COG7: variants seen among roughly 807,000 people sequenced by gnomAD.
The protein encoded by COG7 is component of oligomeric golgi complex 7, also known as conserved oligomeric Golgi complex subunit 7.
In COG7, 49 loss-of-function variants were observed where a neutral mutation model predicts 91.5. That is an observed-to-expected ratio of 0.54 (90% CI 0.43 to 0.68). The LOEUF (loss-of-function observed/expected upper bound fraction) is 0.68, where lower values mean the gene tolerates loss of function less well. COG7 is among the 30% of genes least tolerant of loss of function. The pLI is 0.00. For synonymous variants in COG7, 365 were observed against 388.7 expected (o/e 0.94, Z 0.72); for missense variants, 895 against 961.3 (o/e 0.93, Z 0.91).
Position 23,445,172 on chromosome 16 carries a change from A to T in COG7, c.319-8T>A. 3 of 1,598,812 alleles carry T rather than the reference A, an allele frequency of 1.9e-6. No homozygotes were observed. Among genetic ancestry groups the T allele is most frequent in the Non-Finnish European group, 2.6e-6 (3 of 1,166,088 alleles). On this transcript the variant is annotated splice_region_variant and splice_polypyrimidine_tract_variant and intron_variant, in intron 2 of 16. Coordinates refer to ENST00000307149, the MANE Select transcript of COG7 (RefSeq NM_153603.4). ...GTCAATTTCTACCAACACCTGAAAG[A>T]GGCGTGAGGGGTGAAAAATGAAGGG...
intron 1 of COG7, among the ~76,000 whole-genome samples, chr16:23,450,771 C>T (rs1200496596): frequency 6.6e-6 from 1 of 151,806 alleles, no homozygotes; most frequent in Non-Finnish European, 1.5e-5. Flanking sequence ...GGTGAAGCTG[C>T]AGTGAGCACT....
chr16:23,392,024 A>G lies in COG7; in HGVS notation c.2146+356T>C, dbSNP rs560327045. 11 of 1,210,072 alleles carry G rather than the reference A, an allele frequency of 9.1e-6. No homozygotes were observed. The Admixed American group carries it at 1.1e-4, about 12-fold the overall frequency. The allele number at this position is 1,210,072 out of a possible 1,614,324, so 75.0% of individuals were successfully genotyped here. A position where few individuals can be genotyped will look rare whatever the true frequency, so the allele number is the denominator to read the frequency against. ...GCGAGTGCTTGGTCCAGCGCCAGGC[A>G]TGCCTGGTATGCAGTAAGAGCTCAT... On this transcript the variant is annotated intron_variant, in intron 16 of 16. Coordinates refer to ENST00000307149, the MANE Select transcript of COG7 (RefSeq NM_153603.4).
At chr16:23,421,129 TAA>T (rs905922635) in intron 7 of COG7, among the ~76,000 whole-genome samples, 1 of 151,930 alleles carries the variant, frequency 6.6e-6, no homozygotes, top group Non-Finnish European at 1.5e-5. Flanking sequence ...TCTATAATGA[TAA>T]AGTCAACCTA....
intron 13 of COG7, among the ~76,000 whole-genome samples, chr16:23,402,258 G>A (rs964267676): frequency 5.9e-5 from 9 of 151,940 alleles, no homozygotes; most frequent in Middle Eastern, 3.2e-3. Flanking sequence ...ATGTATAGGC[G>A]TGCAGAAAGA....
Position 23,388,912 on chromosome 16 carries a change from T to C in COG7, c.*8A>G. On this transcript the variant is annotated 3_prime_UTR_variant, in exon 17 of 17. Transcript: ENST00000307149. ...CTGGCTCTCTTGGTGGTCCGGTGTG[T>C]GGTGGGGTCAGTAATTCACACTCCG... 1 of 1,613,338 alleles carries C rather than the reference T, an allele frequency of 6.2e-7. No individual in the cohort carries two copies. Among genetic ancestry groups the C allele is most frequent in the Non-Finnish European group, 8.5e-7 (1 of 1,179,654 alleles).
intron 14 of COG7, among the ~76,000 whole-genome samples, chr16:23,394,138 A>C (rs189804978): frequency 1.2e-3 from 183 of 152,224 alleles, no homozygotes; most frequent in African/African-American, 4.3e-3. Flanking sequence ...GAAGAAAGGA[A>C]TTCTGTTTGA....
chr16:23,433,817 A>AG (rs1963971601), intron 5 of COG7, 150 bp from the exon 6 acceptor site: 1 of 716,356 alleles, frequency 1.4e-6, no homozygotes, highest in South Asian at 1.6e-5. Context: ...AAAGAAAGGC[A>AG]GGAAAAAAAA....
intron 13 of COG7, among the ~76,000 whole-genome samples, chr16:23,402,597 C>T (rs187273168): frequency 6.6e-5 from 10 of 152,162 alleles, no homozygotes; most frequent in East Asian, 1.9e-4. Context: ...GATGAGGAAA[C>T]GGAGGCTCAC....
intron 7 of COG7, among the ~76,000 whole-genome samples, chr16:23,419,618 G>A (rs948782833): frequency 7.0e-6 from 1 of 142,214 alleles, no homozygotes; most frequent in South Asian, 2.2e-4. Flanking sequence ...GCGTAGTGGC[G>A]GGCACCTGTA....
chr16:23,412,121 T>A (rs1009015355), intron 10 of COG7, among the ~76,000 whole-genome samples: 8 of 152,140 alleles, frequency 5.3e-5, no homozygotes, highest in African/African-American at 1.9e-4. Flanking sequence ...CCTCAGATGA[T>A]CCACCTACCT....
chr16:23,406,219 G>A lies in COG7; in HGVS notation c.1519C>T (p.Pro507Ser), dbSNP rs1442240866. 1 of 1,614,114 alleles carries A rather than the reference G, an allele frequency of 6.2e-7. No individual in the cohort carries two copies. Among genetic ancestry groups the A allele is most frequent in the African/African-American group, 1.3e-5 (1 of 75,000 alleles). ...AGKYLSDSCS[P>S]RSLAGFQESI... ...TCCTGAAAACCAGCCAGGCTCCGGG[G>A]GCTGCAGGAATCAGATAGATACTTC... The change falls in exon 12 of 17, where the codon CCC becomes TCC. Residue 507 changes from proline (P) to serine (S), a missense_variant. Pro to Ser is a moderately conservative substitution (Grantham distance 74, BLOSUM62 -1). Transcript: ENST00000307149.
At chr16:23,392,220 C>A (rs773764353) in intron 16 of COG7, 160 bp downstream of exon 16, 11 of 1,510,328 alleles carry the variant, frequency 7.3e-6, no homozygotes, top group Non-Finnish European at 9.7e-6. Context: ...ATCTCTGGGG[C>A]AGGGCCTGGA....
intron 11 of COG7, among the ~76,000 whole-genome samples, chr16:23,409,086 TGTGC>T (rs1209578090): frequency 8.8e-6 from 1 of 113,260 alleles, no homozygotes; most frequent in Non-Finnish European, 1.8e-5. Context: ...TGTGTGTGTG[TGTGC>T]GTGCATGTGT....
At chr16:23,434,326 T>TAATA (rs1221601451) in intron 5 of COG7, among the ~76,000 whole-genome samples, 3 of 152,144 alleles carry the variant, frequency 2.0e-5, no homozygotes, top group Non-Finnish European at 4.4e-5. Flanking sequence ...TCTGAGGGTG[T>TAATA]AATAAAGCTT....
At position 23,408,776 on chromosome 16, in the gene COG7, G is replaced by C. The variant is rs141720003; in HGVS notation, c.1475+1519C>G. On this transcript the variant is annotated intron_variant, in intron 11 of 16. Coordinates refer to ENST00000307149, the MANE Select transcript of COG7 (RefSeq NM_153603.4). ...AAATGAAGTAAATGGTAATTCCTAGGACACAGATTTTCCTTAATCTCTTAA... is the reference window on the plus strand; with the variant it reads ...AAATGAAGTAAATGGTAATTCCTAGCACACAGATTTTCCTTAATCTCTTAA... Among the ~76,000 whole-genome samples the C allele has an allele frequency of 3.3e-5, 5 of 152,020 alleles. No individual in the cohort carries two copies. The East Asian group carries it at 9.7e-4, about 29-fold the overall frequency.
intron 1 of COG7, among the ~76,000 whole-genome samples, chr16:23,449,788 A>G (rs1964239739): frequency 6.6e-6 from 1 of 151,778 alleles, no homozygotes; most frequent in South Asian, 2.1e-4. Flanking sequence ...ATTTCCAAAT[A>G]GTCCCTGTTC....
At chr16:23,410,731 A>G (rs554938949) in intron 10 of COG7, among the ~76,000 whole-genome samples, 4 of 152,276 alleles carry the variant, frequency 2.6e-5, no homozygotes, top group African/African-American at 9.6e-5. Context: ...TTTGCAACTA[A>G]GTCTCGCTCT....
intron 11 of COG7, among the ~76,000 whole-genome samples, chr16:23,408,446 G>A (rs1393085582): frequency 7.2e-6 from 1 of 138,134 alleles, no homozygotes; most frequent in South Asian, 2.5e-4. Flanking sequence ...AGGGAGAGGC[G>A]AGTGGCGGGG....
At chr16:23,392,342 G>C in intron 16 of COG7, 38 bp downstream of exon 16, 2 of 1,613,736 alleles carry the variant, frequency 1.2e-6, no homozygotes, top group Non-Finnish European at 1.7e-6. Context: ...CAGCAGGCAA[G>C]AGCTGTCCCT....
Sources: gnomAD v4.1 joint callset for allele counts (sites outside exome capture counted in the v4.1 genomes callset) on GRCh38, gnomAD v4.1.1 for gene constraint, MANE v1.5 for transcripts, NCBI Gene and HGNC (gene_info 2026-07-23, HGNC 2026-07-21) for gene names.